NKAIN2: variants seen among roughly 807,000 people sequenced by gnomAD.
NKAIN2 encodes sodium/potassium-transporting ATPase subunit beta-1-interacting protein 2.
Under a neutral mutation model 32.6 loss-of-function variants are expected in NKAIN2, and 14 were observed. That is an observed-to-expected ratio of 0.43 (90% CI 0.28 to 0.67). The LOEUF (loss-of-function observed/expected upper bound fraction) is 0.67. NKAIN2 is among the 30% of genes least tolerant of loss of function. NKAIN2 has a pLI of 0.17. For synonymous variants in NKAIN2, 80 were observed against 87.2 expected (o/e 0.92, Z 0.46); for missense variants, 198 against 258.3 (o/e 0.77, Z 1.60).
At chr6:124,168,878 C>T (rs1788704165) in intron 1 of NKAIN2, among the ~76,000 whole-genome samples, 1 of 152,060 alleles carries the variant, frequency 6.6e-6, no homozygotes, top group South Asian at 2.1e-4. Flanking sequence ...TTACAGGTTA[C>T]AGTGTCAAAC....
intron 1 of NKAIN2, among the ~76,000 whole-genome samples, chr6:123,969,630 G>C (rs148576646): frequency 6.6e-6 from 1 of 152,292 alleles, no homozygotes; most frequent in African/African-American, 2.4e-5. Flanking sequence ...ATGGAGAAGA[G>C]AGTTGCACAG....
intron 1 of NKAIN2, among the ~76,000 whole-genome samples, chr6:124,197,981 A>T (rs1294187501): frequency 1.3e-5 from 2 of 151,986 alleles, no homozygotes; most frequent in Non-Finnish European, 2.9e-5. Flanking sequence ...CCAGCTTTCG[A>T]AATCTGCCAG....
At chr6:124,326,570 A>G (rs1182991864) in intron 2 of NKAIN2, among the ~76,000 whole-genome samples, 1 of 152,102 alleles carries the variant, frequency 6.6e-6, no homozygotes, top group Non-Finnish European at 1.5e-5. Flanking sequence ...ACTTTGCCAG[A>G]TCTGCTCTCT....
intron 3 of NKAIN2, among the ~76,000 whole-genome samples, chr6:124,385,976 A>G (rs1332329905): frequency 5.3e-5 from 8 of 152,188 alleles, no homozygotes; most frequent in Non-Finnish European, 1.2e-4. Context: ...GATATCAGCC[A>G]TTTAGCCCAT....
At chr6:124,022,071 T>A (rs1780892731) in intron 1 of NKAIN2, among the ~76,000 whole-genome samples, 1 of 126,828 alleles carries the variant, frequency 7.9e-6, no homozygotes, top group East Asian at 2.8e-4. Flanking sequence ...CAGGCCCCAG[T>A]TAGTGCTGTT....
At chr6:123,998,257 A>T (rs1779714866) in intron 1 of NKAIN2, among the ~76,000 whole-genome samples, 1 of 151,694 alleles carries the variant, frequency 6.6e-6, no homozygotes, top group African/African-American at 2.4e-5. Flanking sequence ...CTTAGATAAA[A>T]CCCCCAAGGG....
At position 124,551,044 on chromosome 6, in the gene NKAIN2, C is replaced by T. The variant is rs565545682; in HGVS notation, c.274-107142C>T. ...GGGTCATAAATATAAAATGTGACAG[C>T]ATGCTTTTCTGGTGCAGATGTGGAG... On this transcript the variant is annotated intron_variant, in intron 3 of 6. Transcript: ENST00000368417. Among the ~76,000 whole-genome samples, 217 of 152,198 alleles carry T rather than the reference C, an allele frequency of 1.4e-3. 3 individuals are homozygous for T. Among genetic ancestry groups the T allele is most frequent in the South Asian group, 8.7e-3 (42 of 4,822 alleles).
chr6:124,028,815 A>ATATACGTATATATACGTG (rs1781250415), intron 1 of NKAIN2, among the ~76,000 whole-genome samples: 2 of 138,802 alleles, frequency 1.4e-5, no homozygotes, highest in African/African-American at 6.0e-5. Flanking sequence ...ATATATACGT[A>ATATACGTATATATACGTG]TATGTGTATA....
chr6:124,073,813 C>T (rs553655152), intron 1 of NKAIN2, among the ~76,000 whole-genome samples: 1 of 152,076 alleles, frequency 6.6e-6, no homozygotes. Flanking sequence ...TCCCCCACCC[C>T]CACCGGGCAG....
intron 3 of NKAIN2, among the ~76,000 whole-genome samples, chr6:124,563,505 G>A (rs551874897): frequency 6.6e-6 from 1 of 152,114 alleles, no homozygotes; most frequent in South Asian, 2.1e-4. Context: ...CTCTCCTTTT[G>A]TACTTTCCAG....
intron 1 of NKAIN2, among the ~76,000 whole-genome samples, chr6:124,169,660 C>G (rs1446526149): frequency 6.6e-6 from 1 of 152,186 alleles, no homozygotes; most frequent in Admixed American, 6.5e-5. Context: ...CCTTTCCTTT[C>G]TGAGCCATGC....
chr6:124,650,332 T>C (rs1156255410), intron 3 of NKAIN2, among the ~76,000 whole-genome samples: 3 of 152,264 alleles, frequency 2.0e-5, no homozygotes, highest in Non-Finnish European at 2.9e-5. Flanking sequence ...CAAAAGCCAA[T>C]TGGTTTCCTT....
At chr6:123,888,923 C>T (rs1218254185) in intron 1 of NKAIN2, among the ~76,000 whole-genome samples, 2 of 152,126 alleles carry the variant, frequency 1.3e-5, no homozygotes, top group South Asian at 2.1e-4. Flanking sequence ...ATTTTCAGCT[C>T]TGGCTGCTTT....
chr6:124,501,170 G>C lies in NKAIN2; in HGVS notation c.273+145823G>C, dbSNP rs142284029. On this transcript the variant is annotated intron_variant, in intron 3 of 6. Coordinates refer to ENST00000368417, the MANE Select transcript of NKAIN2 (RefSeq NM_001040214.3). ...TCATTTTGCCTTTGCAAATGTTCTG[G>C]CCCACAGAGAACCACTGCACCTCTA... Among the ~76,000 whole-genome samples the C allele has an allele frequency of 3.0e-4, 46 of 152,134 alleles. No homozygotes were observed. The East Asian group carries it at 7.7e-3, about 26-fold the overall frequency.
At chr6:124,240,982 T>C (rs1582907582) in intron 1 of NKAIN2, among the ~76,000 whole-genome samples, 1 of 152,140 alleles carries the variant, frequency 6.6e-6, no homozygotes, top group East Asian at 1.9e-4. Flanking sequence ...TGATTGTCTA[T>C]TTAGAAAACC....
At chr6:123,939,739 A>G (rs1236765119) in intron 1 of NKAIN2, among the ~76,000 whole-genome samples, 1 of 151,952 alleles carries the variant, frequency 6.6e-6, no homozygotes, top group African/African-American at 2.4e-5. Context: ...TATGAAGATG[A>G]ATTCTTCGTT....
intron 1 of NKAIN2, among the ~76,000 whole-genome samples, chr6:123,953,278 G>A (rs900405704): frequency 3.9e-5 from 6 of 152,144 alleles, no homozygotes; most frequent in African/African-American, 1.4e-4. Flanking sequence ...AGGGGGACAA[G>A]TCTGCTTCTC....
chr6:124,056,391 G>A (rs2114845015), intron 1 of NKAIN2, among the ~76,000 whole-genome samples: 1 of 149,950 alleles, frequency 6.7e-6, no homozygotes, highest in East Asian at 2.0e-4. Flanking sequence ...TGGTATTCTT[G>A]TCACAAAAAA....
chr6:124,500,461 C>T (rs1778243245), intron 3 of NKAIN2, among the ~76,000 whole-genome samples: 1 of 151,978 alleles, frequency 6.6e-6, no homozygotes, highest in African/African-American at 2.4e-5. Flanking sequence ...CTAGCCTGGC[C>T]AACATGGTGA....
Sources: gnomAD v4.1 joint callset for allele counts (sites outside exome capture counted in the v4.1 genomes callset) on GRCh38, gnomAD v4.1.1 for gene constraint, MANE v1.5 for transcripts, NCBI Gene and HGNC (gene_info 2026-07-23, HGNC 2026-07-21) for gene names.